Variants in CHD3 observed in about 807,000 individuals in gnomAD.
CHD3 encodes chromodomain helicase DNA binding protein 3.
Under a neutral mutation model 248.9 loss-of-function variants are expected in CHD3, and 52 were observed. The observed-to-expected ratio is 0.21, with a 90% CI of 0.17 to 0.26. CHD3 has a LOEUF of 0.26. CHD3 is among the 10% of genes least tolerant of loss of function. CHD3 has a pLI of 1.00. For synonymous variants in CHD3, 985 were observed against 985.2 expected, an observed-to-expected ratio of 1.00 and a Z score of 0.00; for missense variants, 1,482 against 2,605.8, an observed-to-expected ratio of 0.57 and a Z score of 9.39.
upstream of CHD3, among the ~76,000 whole-genome samples, chr17:7,885,898 G>A (rs974213024): frequency 1.3e-5 from 2 of 152,254 alleles, no homozygotes; most frequent in African/African-American, 2.4e-5. Flanking sequence ...AGCCTGTGCA[G>A]GGACAGCAGT....
intron 10 of CHD3, among the ~76,000 whole-genome samples, chr17:7,896,557 C>T (rs1969689942): frequency 6.6e-6 from 1 of 151,844 alleles, no homozygotes; most frequent in Non-Finnish European, 1.5e-5. Flanking sequence ...AGGCATGCGC[C>T]ACCACGCTTG....
chr17:7,890,835 A>C, intron 3 of CHD3, 94 bp downstream of exon 3: 3 of 1,583,282 alleles, frequency 1.9e-6, no homozygotes, highest in Non-Finnish European at 2.6e-6. Context: ...ATGGGGCAAG[A>C]AGCAAGAAAG....
rs753438058 is a variant in CHD3, at chr17:7,910,305, T to C, written c.5591-123T>C. 37 of 1,167,990 alleles carry C rather than the reference T, an allele frequency of 3.2e-5. No individual in the cohort carries two copies. In the African/African-American group the frequency reaches 5.3e-4, roughly 17 times the overall value. 72.4% of individuals were successfully genotyped at this position (1,167,990 alleles called of 1,614,324 possible). A position where few individuals can be genotyped will look rare whatever the true frequency, so the allele number is the denominator to read the frequency against. ...TTGATCTCTGGTTCTTTGACATCTG[T>C]GTTCTCCTCTCTCGCTCTTTTTCTG... On this transcript the variant is annotated intron_variant, in intron 37 of 39. Transcript: ENST00000330494. This position sits in a 1 kb window ranked among gnomAD's most constrained non-coding sequence, Gnocchi z 4.7.
rs1186307975 is a variant in CHD3 at position 7,905,095 on chromosome 17, C to T, written c.4073-5C>T. The stretch of plus-strand genomic sequence containing the variant: ...CTGACCACTGGGCCCTTTCCACCCC[C>T]ACAGACAACCAGTCAGAGTACTCGG... On this transcript the variant is annotated splice_polypyrimidine_tract_variant and splice_region_variant and intron_variant, in intron 25 of 39. Coordinates refer to ENST00000330494, the MANE Select transcript of CHD3 (RefSeq NM_001005273.3). The surrounding 1 kb of genome is among the most constrained non-coding windows in gnomAD (Gnocchi z 5.8). 1.9e-6 allele frequency: 3 copies of T among 1,613,986 alleles called. No homozygotes were observed. The highest frequency in any genetic ancestry group is 4.5e-5 in the East Asian group (2 of 44,892).
In CHD3 at chr17:7,910,037, C is replaced by A. The variant is rs1971456515; in HGVS notation, c.5591-391C>A. On this transcript the variant is annotated intron_variant, in intron 37 of 39. Transcript: ENST00000330494. The surrounding 1 kb of genome is among the most constrained non-coding windows in gnomAD (Gnocchi z 4.7). ...TGACACTTACCACCTCCCATGCCTC[C>A]TGACTATTTCCTCCCCATCATCCCC... is the stretch of plus-strand genomic sequence containing the variant. 3.2e-6 allele frequency: 1 copy of A among 317,030 alleles called. No individual in the cohort carries two copies. The highest frequency in any genetic ancestry group is 6.0e-6 in the Non-Finnish European group (1 of 166,390). The allele number at this position is 317,030 out of a possible 1,614,324, so 19.6% of individuals were successfully genotyped here.
chr17:7,911,104 A>T lies in CHD3; in HGVS notation c.5881+131A>T, dbSNP rs1971600480. On this transcript the variant is annotated intron_variant, in intron 39 of 39. Coordinates refer to ENST00000330494, the MANE Select transcript of CHD3 (RefSeq NM_001005273.3). This position sits in a 1 kb window ranked among gnomAD's most constrained non-coding sequence, Gnocchi z 5.4. Reference sequence around the variant, plus strand: ...TGGTATCCGGTGTTTTATGGGATAGAGTTGTTCTAGGCTGTCCCCCCACCC... The same window carrying T: ...TGGTATCCGGTGTTTTATGGGATAGTGTTGTTCTAGGCTGTCCCCCCACCC... 1 of 1,310,386 alleles carries T rather than the reference A, an allele frequency of 7.6e-7. No individual in the cohort carries two copies. Among genetic ancestry groups the T allele is most frequent in the Non-Finnish European group, 1.1e-6 (1 of 929,512 alleles). 81.2% of individuals were successfully genotyped at this position (1,310,386 alleles called of 1,614,324 possible).
chr17:7,908,688 C>A lies in CHD3; in HGVS notation c.5262-9C>A. The A allele has an allele frequency of 6.2e-7, 1 of 1,613,950 alleles. No homozygotes were observed. Among genetic ancestry groups the A allele is most frequent in the South Asian group, 1.1e-5 (1 of 91,062 alleles). ...AATTCCTTGATGGTTCCTTTTCCTT[C>A]ATTGGTAGCCATGGCTATGCACGGT... On this transcript the variant is annotated splice_polypyrimidine_tract_variant and intron_variant, in intron 35 of 39. Coordinates refer to ENST00000330494, the MANE Select transcript of CHD3 (RefSeq NM_001005273.3). The surrounding 1 kb of genome is among the most constrained non-coding windows in gnomAD (Gnocchi z 5.8).
At position 7,895,639 on chromosome 17, in the gene CHD3, G is replaced by C. The variant is rs944657542; in HGVS notation, c.1707+97G>C. 5 of 1,126,770 alleles carry C rather than the reference G, an allele frequency of 4.4e-6. No homozygotes were observed. In the African/African-American group the frequency reaches 7.8e-5, roughly 18 times the overall value. The allele number at this position is 1,126,770 out of a possible 1,614,324, so 69.8% of individuals were successfully genotyped here. ...TGTTTGTTGGGTTCCCATACTCTTT[G>C]TTTTCTCTCATTTCAGGCCTGTGGC... On this transcript the variant is annotated intron_variant, in intron 10 of 39. Transcript: ENST00000330494. The surrounding 1 kb of genome is among the most constrained non-coding windows in gnomAD (Gnocchi z 4.9).
upstream of CHD3, among the ~76,000 whole-genome samples, chr17:7,885,782 G>A (rs930293567): frequency 6.6e-6 from 1 of 152,204 alleles, no homozygotes; most frequent in African/African-American, 2.4e-5. Flanking sequence ...CGAGGGAGGG[G>A]TCTTGTGAAT....
Position 7,895,229 on chromosome 17 carries a change from T to A in CHD3, c.1503+79T>A. On this transcript the variant is annotated intron_variant, in intron 9 of 39. Transcript: ENST00000330494. The surrounding 1 kb of genome is among the most constrained non-coding windows in gnomAD (Gnocchi z 4.9). Reference sequence around the variant, plus strand: ...CATCCCTGGGGCCCACATGTCCAGCTTTTCATTTCTCTGCACTCCCCCACC... The same window carrying A: ...CATCCCTGGGGCCCACATGTCCAGCATTTCATTTCTCTGCACTCCCCCACC... 1 of 1,583,640 alleles carries A rather than the reference T, an allele frequency of 6.3e-7. No homozygotes were observed. Among genetic ancestry groups the A allele is most frequent in the Non-Finnish European group, 8.6e-7 (1 of 1,162,176 alleles).
At chr17:7,902,544 T>A in intron 20 of CHD3, 66 bp from the exon 21 acceptor site, 1 of 980,456 alleles carries the variant, frequency 1.0e-6, no homozygotes, top group Non-Finnish European at 1.6e-6. Context: ...TGTAAAGGAG[T>A]AGTTAGAATA....
Position 7,904,083 on chromosome 17 carries a change from C to A in CHD3, c.3894+92C>A. On this transcript the variant is annotated intron_variant, in intron 24 of 39. Coordinates refer to ENST00000330494, the MANE Select transcript of CHD3 (RefSeq NM_001005273.3). This position sits in a 1 kb window ranked among gnomAD's most constrained non-coding sequence, Gnocchi z 4.4. ...CAGCCTTGAAGTAGGAGGGTCTGTCCCCCTTAAAACAGTAGTGGACCTCAA... is the reference window on the plus strand; with the variant it reads ...CAGCCTTGAAGTAGGAGGGTCTGTCACCCTTAAAACAGTAGTGGACCTCAA... The A allele has an allele frequency of 7.3e-7, 1 of 1,369,866 alleles. No homozygotes were observed. The highest frequency in any genetic ancestry group is 1.0e-6 in the Non-Finnish European group (1 of 993,204). The allele number at this position is 1,369,866 out of a possible 1,614,324, so 84.9% of individuals were successfully genotyped here. A position where few individuals can be genotyped will look rare whatever the true frequency, so the allele number is the denominator to read the frequency against.
upstream of CHD3, among the ~76,000 whole-genome samples, chr17:7,888,127 C>A (rs531888708): frequency 6.6e-6 from 1 of 152,350 alleles, no homozygotes; most frequent in South Asian, 2.1e-4. Flanking sequence ...GGGCATGGCG[C>A]CTTCCTTGCT....
rs1221258492 is a variant in CHD3 at position 7,897,927 on chromosome 17, C to A, written c.1920-44C>A. 1.3e-6 allele frequency: 2 copies of A among 1,590,820 alleles called. No individual in the cohort carries two copies. Among genetic ancestry groups the A allele is most frequent in the Admixed American group, 3.6e-5 (2 of 55,612 alleles). On this transcript the variant is annotated intron_variant, in intron 11 of 39. Transcript: ENST00000330494. The surrounding 1 kb of genome is among the most constrained non-coding windows in gnomAD (Gnocchi z 4.8). ...GCCTTCTTTCTGTTTGTGATCTGTG[C>A]AATATTTTCCTCCTGCTCCTCCCCA...
At position 7,906,708 on chromosome 17, in the gene CHD3, T is replaced by C; in HGVS notation, c.4503+11T>C. ...CTCGTCAAAAAGAAGGTATCAGTCTTCCTGTCACCCAAAGAATCAAGCTGG... is the reference window on the plus strand; with the variant it reads ...CTCGTCAAAAAGAAGGTATCAGTCTCCCTGTCACCCAAAGAATCAAGCTGG... On this transcript the variant is annotated intron_variant, in intron 29 of 39. Transcript: ENST00000330494. This position sits in a 1 kb window ranked among gnomAD's most constrained non-coding sequence, Gnocchi z 5.0. 1 of 1,595,236 alleles carries C rather than the reference T, an allele frequency of 6.3e-7. No individual in the cohort carries two copies. The highest frequency in any genetic ancestry group is 8.5e-7 in the Non-Finnish European group (1 of 1,169,590).
chr17:7,897,314 G>T lies in CHD3; in HGVS notation c.1919+20G>T. ...CCACAGGTGAATCCTCGGTCCCTGG[G>T]AAGTCAGACCTGGTATATGACATTA... On this transcript the variant is annotated intron_variant, in intron 11 of 39. Coordinates refer to ENST00000330494, the MANE Select transcript of CHD3 (RefSeq NM_001005273.3). This position sits in a 1 kb window ranked among gnomAD's most constrained non-coding sequence, Gnocchi z 4.8. 6.2e-7 allele frequency: 1 copy of T among 1,604,036 alleles called. No homozygotes were observed.
In CHD3 at chr17:7,910,820, C is replaced by A. The variant is rs556091139; in HGVS notation, c.5755-27C>A. 9 of 1,583,866 alleles carry A rather than the reference C, an allele frequency of 5.7e-6. No homozygotes were observed. The highest frequency in any genetic ancestry group is 2.3e-5 in the South Asian group (2 of 86,852). On this transcript the variant is annotated intron_variant, in intron 38 of 39. Transcript: ENST00000330494. The surrounding 1 kb of genome is among the most constrained non-coding windows in gnomAD (Gnocchi z 4.7). ...TCCTCTCACAGACTATGAACTAACT[C>A]CAACTTCTGCTTCCTCTCTGTTCCA...
chr17:7,901,090 C>T (rs1000668595), intron 19 of CHD3, 97 bp downstream of exon 19: 33 of 1,526,488 alleles, frequency 2.2e-5, no homozygotes, highest in Non-Finnish European at 2.8e-5. Context: ...AGGGGTGGAG[C>T]TGGGCTGGAA....
Position 7,897,492 on chromosome 17 carries a change from C to T in CHD3, c.1919+198C>T, listed in dbSNP as rs1969830858. Among the ~76,000 whole-genome samples the T allele has an allele frequency of 6.6e-6, 1 of 152,190 alleles. No homozygotes were observed. Among genetic ancestry groups the T allele is most frequent in the Non-Finnish European group, 1.5e-5 (1 of 68,038 alleles). On this transcript the variant is annotated intron_variant, in intron 11 of 39. Transcript: ENST00000330494. This position sits in a 1 kb window ranked among gnomAD's most constrained non-coding sequence, Gnocchi z 4.8. ...AGGAGGAAAATCCGGCCAGGCAGTG[C>T]CTCTTTTGTCCTTTGCCTCCTGTCA...
Sources: gnomAD v4.1 joint callset for allele counts (sites outside exome capture counted in the v4.1 genomes callset) on GRCh38, gnomAD v4.1.1 for gene constraint, Gnocchi (gnomAD v3.1) non-coding constraint, MANE v1.5 for transcripts, NCBI Gene and HGNC (gene_info 2026-07-23, HGNC 2026-07-21) for gene names.